SESTD1: variants seen among roughly 807,000 people sequenced by gnomAD.
The protein encoded by SESTD1 is SEC14 and spectrin domain containing 1.
SESTD1 carries 43 observed loss-of-function variants against 101.7 expected under a neutral mutation model. The ratio of observed to expected loss-of-function variants is 0.42; its 90% CI spans 0.33 to 0.55. The LOEUF is 0.55. Ranked by LOEUF, SESTD1 falls within the 20% of genes least tolerant of loss-of-function variation. The probability of loss-of-function intolerance (pLI) is 0.07; values close to 1 mark genes in which losing one functional copy is unlikely to be tolerated. For missense variants in SESTD1, 647 were observed against 815.1 expected, an observed-to-expected ratio of 0.79 and a Z score of 2.51; for synonymous variants, 283 against 286.8, an observed-to-expected ratio of 0.99 and a Z score of 0.13.
intron 1 of SESTD1, among the ~76,000 whole-genome samples, chr2:179,208,262 G>A (rs1574036934): frequency 7.4e-6 from 1 of 135,500 alleles, no homozygotes; most frequent in Admixed American, 7.1e-5. Flanking sequence ...TGGTGTTCCT[G>A]AGGAAGAAGA....
rs66636048 is a variant in SESTD1 at position 179,149,059 on chromosome 2, C to CAAAAA, written c.581+233_581+237dup. On this transcript the variant is annotated intron_variant, in intron 7 of 17. Coordinates refer to ENST00000428443, the MANE Select transcript of SESTD1 (RefSeq NM_178123.5). ...TGGGTGACAGAGCAAGACTCCGTCT[C>CAAAAA]AAAAAAAAAAAAAAAAAAAAAAAAA... 9.9e-4 allele frequency among the ~76,000 whole-genome samples: 60 copies of CAAAAA among 60,424 alleles called. 2 individuals are homozygous for CAAAAA. The highest frequency in any genetic ancestry group is 2.5e-3 in the South Asian group (4 of 1,608). The allele number at this position is 60,424 out of a possible 152,430, so 39.6% of individuals were successfully genotyped here.
chr2:179,102,374 T>C lies in SESTD1; in HGVS notation c.*7525A>G, dbSNP rs2044290750. 6.6e-6 allele frequency: 1 copy of C among 152,044 alleles called. No homozygotes were observed. The highest frequency in any genetic ancestry group is 1.5e-5 in the Non-Finnish European group (1 of 68,022). 9.4% of individuals were successfully genotyped at this position (152,044 alleles called of 1,614,324 possible). The stretch of plus-strand genomic sequence containing the variant: ...AAAATAACTCAAATTGATTCAAAGA[T>C]GCAGAATTCATCAGATTATCTTATA... On this transcript the variant is annotated 3_prime_UTR_variant, in exon 18 of 18. Transcript: ENST00000428443.
chr2:179,255,021 C>A (rs2047371558), intron 1 of SESTD1, among the ~76,000 whole-genome samples: 1 of 152,076 alleles, frequency 6.6e-6, no homozygotes. Context: ...TGTTTGGGGG[C>A]ACCATGAATC....
intron 5 of SESTD1, among the ~76,000 whole-genome samples, chr2:179,162,081 T>A (rs1292762564): frequency 6.6e-6 from 1 of 152,160 alleles, no homozygotes; most frequent in Non-Finnish European, 1.5e-5. Context: ...CAATTATCAG[T>A]GACTCTTATG....
chr2:179,203,512 GCCATGGAAGGTC>G (rs1323191691), intron 1 of SESTD1, among the ~76,000 whole-genome samples: 1 of 133,414 alleles, frequency 7.5e-6, no homozygotes, highest in Non-Finnish European at 1.6e-5. Flanking sequence ...ACCCAGAGAG[GCCATGGAAGGTC>G]CCCATGCCTC....
At chr2:179,181,294 G>C (rs1020439848) in intron 3 of SESTD1, among the ~76,000 whole-genome samples, 2 of 152,152 alleles carry the variant, frequency 1.3e-5, no homozygotes, top group African/African-American at 4.8e-5. Context: ...TGAGCATCCT[G>C]TTGAACTGAA....
intron 1 of SESTD1, among the ~76,000 whole-genome samples, chr2:179,219,270 G>A (rs368198087): frequency 2.0e-5 from 3 of 152,200 alleles, no homozygotes; most frequent in Non-Finnish European, 4.4e-5. Flanking sequence ...ATGAGAGACT[G>A]TAATTGATGA....
rs201728281 is a variant in SESTD1, at chr2:179,132,029, ACT to A, written c.972+273_972+274del. The A allele has an allele frequency of 1.0e-2, 2,292 of 230,344 alleles. 45 individuals are homozygous for A. Among genetic ancestry groups the A allele is most frequent in the Admixed American group, 0.011 (192 of 17,792 alleles). 14.3% of individuals were successfully genotyped at this position (230,344 alleles called of 1,614,324 possible). A position where few individuals can be genotyped will look rare whatever the true frequency, so the allele number is the denominator to read the frequency against. On this transcript the variant is annotated intron_variant, in intron 10 of 17. Coordinates refer to ENST00000428443, the MANE Select transcript of SESTD1 (RefSeq NM_178123.5). ...ATGAAAGCTCTATTTTTGTATTATCACTCTTTTTTCTGTCACTGTAGCTTTTA... is the reference window on the plus strand; with the variant it reads ...ATGAAAGCTCTATTTTTGTATTATCACTTTTTTCTGTCACTGTAGCTTTTA...
rs143518419 is a variant in SESTD1 at position 179,103,081 on chromosome 2, A to G, written c.*6818T>C. ...CTGAAAACGGGTGGTGAAAGTTAGTAACATAAACAAACCAGTGCTGTTTCT... is the reference window on the plus strand; with the variant it reads ...CTGAAAACGGGTGGTGAAAGTTAGTGACATAAACAAACCAGTGCTGTTTCT... On this transcript the variant is annotated 3_prime_UTR_variant, in exon 18 of 18. Transcript: ENST00000428443. 92 of 152,234 alleles carry G rather than the reference A, an allele frequency of 6.0e-4. No homozygotes were observed. The highest frequency in any genetic ancestry group is 2.1e-3 in the African/African-American group (86 of 41,552). 9.4% of individuals were successfully genotyped at this position (152,234 alleles called of 1,614,324 possible). A position where few individuals can be genotyped will look rare whatever the true frequency, so the allele number is the denominator to read the frequency against.
rs1217218974 is a variant in SESTD1, at chr2:179,205,917, A to G, written c.-25-14051T>C. Among the ~76,000 whole-genome samples, 2 of 134,878 alleles carry G rather than the reference A, an allele frequency of 1.5e-5. 1 individual carries two copies. The highest frequency in any genetic ancestry group is 3.2e-5 in the Non-Finnish European group (2 of 62,908). The allele number at this position is 134,878 out of a possible 152,430, so 88.5% of individuals were successfully genotyped here. ...AATTATCACTGTACCACTAGGTCAA[A>G]TTTAATTTAATTTTTCAAAAGTTAT... On this transcript the variant is annotated intron_variant, in intron 1 of 17. Transcript: ENST00000428443.
chr2:179,254,847 C>A (rs1328888269), intron 1 of SESTD1, among the ~76,000 whole-genome samples: 1 of 152,148 alleles, frequency 6.6e-6, no homozygotes, highest in Non-Finnish European at 1.5e-5. Context: ...TGGTGATAAT[C>A]CTAAGTGGAG....
In SESTD1 at chr2:179,106,384, C is replaced by A. The variant is rs182391456; in HGVS notation, c.*3515G>T. ...GGAGTAGTACATAATAATGCCCAAT[C>A]TCTATTAGCAAGTAACTTACAATGT... On this transcript the variant is annotated 3_prime_UTR_variant, in exon 18 of 18. Transcript: ENST00000428443. 1.5e-3 allele frequency: 233 copies of A among 152,232 alleles called. 3 individuals are homozygous for A. The highest frequency in any genetic ancestry group is 5.0e-3 in the African/African-American group (206 of 41,562). The allele number at this position is 152,232 out of a possible 1,614,324, so 9.4% of individuals were successfully genotyped here.
intron 9 of SESTD1, among the ~76,000 whole-genome samples, chr2:179,142,117 A>T (rs773229669): frequency 9.9e-5 from 15 of 152,196 alleles, no homozygotes; most frequent in Non-Finnish European, 1.9e-4. Context: ...TTTGTATAAT[A>T]AATAAAAGTT....
At chr2:179,135,460 T>A (rs539373881) in intron 9 of SESTD1, among the ~76,000 whole-genome samples, 2 of 152,206 alleles carry the variant, frequency 1.3e-5, no homozygotes, top group South Asian at 4.2e-4. Context: ...TAAGGCTTAA[T>A]ACTAGAGAGA....
At chr2:179,170,572 G>A (rs974657283) in intron 5 of SESTD1, among the ~76,000 whole-genome samples, 19 of 152,180 alleles carry the variant, frequency 1.2e-4, no homozygotes, top group Admixed American at 7.2e-4. Context: ...CCCAGTTATC[G>A]ACACAAGAGT....
At chr2:179,184,188 C>T (rs1423892057) in intron 2 of SESTD1, among the ~76,000 whole-genome samples, 6 of 152,162 alleles carry the variant, frequency 3.9e-5, no homozygotes, top group Non-Finnish European at 1.5e-5. Flanking sequence ...TTTATGCCCA[C>T]ATCATGTCTT....
intron 1 of SESTD1, among the ~76,000 whole-genome samples, chr2:179,256,333 A>C (rs552180455): frequency 6.6e-6 from 1 of 152,284 alleles, no homozygotes; most frequent in South Asian, 2.1e-4. Flanking sequence ...TCATGGGAGG[A>C]GGTCAAAATA....
intron 5 of SESTD1, 81 bp downstream of exon 5, chr2:179,172,039 A>G: frequency 1.1e-6 from 1 of 896,830 alleles, no homozygotes; most frequent in Non-Finnish European, 1.7e-6. Flanking sequence ...TTAGTAACCA[A>G]TGCTGAACGG....
At chr2:179,155,610 T>C (rs901819449) in intron 5 of SESTD1, among the ~76,000 whole-genome samples, 6 of 151,778 alleles carry the variant, frequency 4.0e-5, no homozygotes, top group Admixed American at 2.0e-4. Context: ...AGTGAGATTC[T>C]GTCTCAAAAA....
Sources: allele counts gnomAD v4.1 joint callset (sites outside exome capture counted in the v4.1 genomes callset), GRCh38; gene constraint gnomAD v4.1.1; transcripts MANE v1.5; gene names NCBI Gene and HGNC (gene_info 2026-07-23, HGNC 2026-07-21).